SKI: variants seen among roughly 807,000 people sequenced by gnomAD.
SKI encodes SKI proto-oncogene.
Under a neutral mutation model 59.3 loss-of-function variants are expected in SKI, and 23 were observed. The observed-to-expected ratio is 0.39, with a 90% CI of 0.28 to 0.55. SKI has a LOEUF of 0.55. Among genes scored for constraint, SKI ranks in the 20% least tolerant of loss-of-function variants. The pLI is 0.67. For synonymous variants in SKI, 673 were observed against 488.6 expected, an observed-to-expected ratio of 1.38 and a Z score of -4.98; for missense variants, 1,017 against 1,038.9, an observed-to-expected ratio of 0.98 and a Z score of 0.29.
At chr1:2,244,491 A>G (rs1441762047) in intron 1 of SKI, among the ~76,000 whole-genome samples, 4 of 152,118 alleles carry the variant, frequency 2.6e-5, no homozygotes, top group Non-Finnish European at 4.4e-5. Flanking sequence ...GAGGCTGGAG[A>G]ATAGCTTGAA....
chr1:2,260,542 T>C lies in SKI; in HGVS notation c.969+30807T>C, dbSNP rs796778758. Among the ~76,000 whole-genome samples the C allele has an allele frequency of 3.5e-4, 43 of 123,226 alleles. 1 individual carries two copies. The highest frequency in any genetic ancestry group is 6.0e-4 in the African/African-American group (19 of 31,810). 80.8% of individuals were successfully genotyped at this position (123,226 alleles called of 152,430 possible). A position where few individuals can be genotyped will look rare whatever the true frequency, so the allele number is the denominator to read the frequency against. On this transcript the variant is annotated intron_variant, in intron 1 of 6. Coordinates refer to ENST00000378536, the MANE Select transcript of SKI (RefSeq NM_003036.4). ...TTTCAGTTTGTTCTTTTTCTTTTTTTTTTTTTTTTTTTTTTTGAGACAGGG... is the reference window on the plus strand; with the variant it reads ...TTTCAGTTTGTTCTTTTTCTTTTTTCTTTTTTTTTTTTTTTTGAGACAGGG...
At chr1:2,295,241 C>G (rs1016931037) in intron 1 of SKI, among the ~76,000 whole-genome samples, 1 of 152,214 alleles carries the variant, frequency 6.6e-6, no homozygotes, top group Non-Finnish European at 1.5e-5. Flanking sequence ...CATGTCATGG[C>G]AGCATCCATG....
At chr1:2,292,883 G>T (rs1408798818) in intron 1 of SKI, among the ~76,000 whole-genome samples, 2 of 152,220 alleles carry the variant, frequency 1.3e-5, no homozygotes, top group African/African-American at 4.8e-5. Context: ...CCCTGGCGGG[G>T]CCGCTGAGCC....
At chr1:2,234,198 G>T (rs1236017029) in intron 1 of SKI, among the ~76,000 whole-genome samples, 2 of 152,154 alleles carry the variant, frequency 1.3e-5, no homozygotes, top group Non-Finnish European at 2.9e-5. Context: ...CTCGAGAGTG[G>T]TTCTTGACCT....
At position 2,267,156 on chromosome 1, in the gene SKI, C is replaced by G. The variant is rs1031099263; in HGVS notation, c.970-35822C>G. Among the ~76,000 whole-genome samples the G allele has an allele frequency of 2.6e-5, 4 of 152,164 alleles. No individual in the cohort carries two copies. The highest frequency in any genetic ancestry group is 2.6e-4 in the Admixed American group (4 of 15,276). On this transcript the variant is annotated intron_variant, in intron 1 of 6. Transcript: ENST00000378536. This position sits in a 1 kb window ranked among gnomAD's most constrained non-coding sequence, Gnocchi z 4.1. ...AGTGCCATGATTTTGACTATTCAGG[C>G]GAGCAACTGCATCGAGCCAGCACTG...
At chr1:2,284,074 C>G (rs1639978245) in intron 1 of SKI, among the ~76,000 whole-genome samples, 1 of 152,188 alleles carries the variant, frequency 6.6e-6, no homozygotes, top group South Asian at 2.1e-4. Context: ...GTCCTCCGGG[C>G]CATCCCCCGT....
At chr1:2,296,912 G>A (rs1048511168) in intron 1 of SKI, among the ~76,000 whole-genome samples, 35 of 152,122 alleles carry the variant, frequency 2.3e-4, no homozygotes, top group African/African-American at 7.2e-4. Context: ...TAAGGAGGCC[G>A]TGCACAGAAA....
chr1:2,231,669 C>T (rs866719724), intron 1 of SKI, among the ~76,000 whole-genome samples: 15 of 152,362 alleles, frequency 9.8e-5, no homozygotes, highest in Middle Eastern at 3.4e-3. Flanking sequence ...GCCATACTGA[C>T]GACGTGCACG....
At chr1:2,280,280 G>A (rs992353678) in intron 1 of SKI, among the ~76,000 whole-genome samples, 1 of 151,954 alleles carries the variant, frequency 6.6e-6, no homozygotes, top group Non-Finnish European at 1.5e-5. Context: ...GGAGGGCGAG[G>A]CAGGAGAATC....
rs1035433764 is a variant in SKI, at chr1:2,244,573, C to CT, written c.969+14839dup. ...ACAGCCTGGGTGACAGAGCGAGACT[C>CT]TGTCTCAAAAAACGAAAAGCAAAAA... On this transcript the variant is annotated intron_variant, in intron 1 of 6. Transcript: ENST00000378536. 1.3e-3 allele frequency among the ~76,000 whole-genome samples: 198 copies of CT among 152,202 alleles called. 2 individuals are homozygous for CT. Among genetic ancestry groups the CT allele is most frequent in the African/African-American group, 4.6e-3 (193 of 41,530 alleles).
intron 1 of SKI, among the ~76,000 whole-genome samples, chr1:2,279,195 A>G (rs1469573099): frequency 6.6e-6 from 1 of 152,050 alleles, no homozygotes; most frequent in East Asian, 1.9e-4. Flanking sequence ...GATGGCCCTG[A>G]TCTCTGAGCG....
chr1:2,279,200 T>G (rs1639814831), intron 1 of SKI, among the ~76,000 whole-genome samples: 1 of 152,204 alleles, frequency 6.6e-6, no homozygotes, highest in Non-Finnish European at 1.5e-5. Flanking sequence ...CCCTGATCTC[T>G]GAGCGGGACT....
chr1:2,303,901 G>T lies in SKI; in HGVS notation c.1273G>T (p.Ala425Ser). 6.2e-7 allele frequency: 1 copy of T among 1,612,318 alleles called. No individual in the cohort carries two copies. The highest frequency in any genetic ancestry group is 8.5e-7 in the Non-Finnish European group (1 of 1,179,808). The part of the protein sequence containing the change: ...VAPNVALAPP[A>S]QQKVVSSPPC... The stretch of plus-strand genomic sequence containing the variant: ...GCCCAACGTGGCCCTCGCACCGCCG[G>T]CCCAGCAGAAGGTTGTGAGCAGCCC... The change falls in exon 4 of 7, where the codon GCC becomes TCC. Residue 425 changes from alanine (A) to serine (S), a missense_variant. Coordinates refer to ENST00000378536, the MANE Select transcript of SKI (RefSeq NM_003036.4). This position sits in a 1 kb window ranked among gnomAD's most constrained non-coding sequence, Gnocchi z 5.6.
intron 1 of SKI, among the ~76,000 whole-genome samples, chr1:2,234,717 G>A (rs538263394): frequency 6.1e-4 from 93 of 152,320 alleles, no homozygotes; most frequent in Non-Finnish European, 1.1e-3. Context: ...TAAGGATTGC[G>A]AAAGTTGAGG....
Position 2,306,812 on chromosome 1 carries a change from G to C in SKI, c.*47G>C, listed in dbSNP as rs1444679669. ...CGCCGCCGACAACGCGGGTGCAGGG[G>C]GGCGCGGCTGGGCGGTGCAGCTCCG... On this transcript the variant is annotated 3_prime_UTR_variant, in exon 7 of 7. Coordinates refer to ENST00000378536, the MANE Select transcript of SKI (RefSeq NM_003036.4). 1.5e-6 allele frequency: 2 copies of C among 1,333,214 alleles called. No individual in the cohort carries two copies. Among genetic ancestry groups the C allele is most frequent in the Admixed American group, 3.7e-5 (1 of 26,852 alleles). The allele number at this position is 1,333,214 out of a possible 1,614,324, so 82.6% of individuals were successfully genotyped here.
chr1:2,301,333 A>G (rs1005241147), intron 1 of SKI, among the ~76,000 whole-genome samples: 3 of 152,086 alleles, frequency 2.0e-5, no homozygotes, highest in Non-Finnish European at 4.4e-5. Context: ...TTTCCTGAAC[A>G]GCTATTTTAG....
chr1:2,284,798 G>A (rs896291440), intron 1 of SKI, among the ~76,000 whole-genome samples: 3 of 152,158 alleles, frequency 2.0e-5, no homozygotes, highest in African/African-American at 7.2e-5. Flanking sequence ...GGACACGGGG[G>A]CCCACCTTGG....
In SKI at chr1:2,306,195, G is replaced by C. The variant is rs1489484319; in HGVS notation, c.1943G>C (p.Arg648Pro). 1 of 1,583,334 alleles carries C rather than the reference G, an allele frequency of 6.3e-7. No individual in the cohort carries two copies. Among genetic ancestry groups the C allele is most frequent in the Non-Finnish European group, 8.6e-7 (1 of 1,165,794 alleles). The change falls in exon 6 of 7, where the codon CGG becomes CCG. Residue 648 changes from arginine (R) to proline (P), a missense_variant. Coordinates refer to ENST00000378536, the MANE Select transcript of SKI (RefSeq NM_003036.4). Reference protein sequence around the residue: ...KRELEQARQARVCDKGCEAGR... With the variant: ...KRELEQARQAPVCDKGCEAGR... ...GAGCTGGAGCAGGCGCGGCAGGCCC[G>C]GGTGTGCGACAAGGGCTGCGAGGCG...
At chr1:2,297,627 C>G (rs1424395442) in intron 1 of SKI, among the ~76,000 whole-genome samples, 1 of 152,220 alleles carries the variant, frequency 6.6e-6, no homozygotes, top group Admixed American at 6.5e-5. Flanking sequence ...TGGCAGCCAT[C>G]CCCTCCATAA....
Sources: gnomAD v4.1 joint callset for allele counts (sites outside exome capture counted in the v4.1 genomes callset) on GRCh38, gnomAD v4.1.1 for gene constraint, Gnocchi (gnomAD v3.1) non-coding constraint, MANE v1.5 for transcripts, NCBI Gene and HGNC (gene_info 2026-07-23, HGNC 2026-07-21) for gene names.